SREBF2: variants seen among roughly 807,000 people sequenced by gnomAD.
The protein encoded by SREBF2 is sterol regulatory element binding transcription factor 2.
Under a neutral mutation model 113.1 loss-of-function variants are expected in SREBF2, and 55 were observed. The observed-to-expected ratio is 0.49, with a 90% CI of 0.39 to 0.61. The LOEUF is 0.61. SREBF2 is among the 20% of genes least tolerant of loss of function. SREBF2 has a pLI of 0.00. For synonymous variants in SREBF2, 593 were observed against 605.7 expected, an observed-to-expected ratio of 0.98 and a Z score of 0.31; for missense variants, 1,349 against 1,487.4, an observed-to-expected ratio of 0.91 and a Z score of 1.53.
chr22:41,888,452 G>A (rs1006406287), intron 11 of SREBF2, among the ~76,000 whole-genome samples: 3 of 143,308 alleles, frequency 2.1e-5, no homozygotes, highest in Admixed American at 6.8e-5. Context: ...TCCGTGTACC[G>A]TGGGTCTGCC....
At position 41,875,519 on chromosome 22, in the gene SREBF2, C is replaced by T. The variant is rs750427778; in HGVS notation, c.1205-24C>T. The T allele has an allele frequency of 1.2e-5, 20 of 1,614,122 alleles. No individual in the cohort carries two copies. The African/African-American group carries it at 1.9e-4, about 15-fold the overall frequency. ...GGGCTTTGTAAAAGCAGATCATTTT[C>T]ACCAGGTGGGGTTTTCTTTGCAGAG... On this transcript the variant is annotated intron_variant, in intron 6 of 18. Transcript: ENST00000361204.
At chr22:41,872,275 G>A (rs2077151721) in intron 4 of SREBF2, among the ~76,000 whole-genome samples, 1 of 151,466 alleles carries the variant, frequency 6.6e-6, no homozygotes, top group Non-Finnish European at 1.5e-5. Context: ...GAAATAGTGT[G>A]TCAAGCCAAA....
chr22:41,877,194 A>G, intron 7 of SREBF2, 35 bp from the exon 8 acceptor site: 1 of 1,602,980 alleles, frequency 6.2e-7, no homozygotes, highest in South Asian at 1.1e-5. Context: ...AAACCTATGC[A>G]GTATTTATTC....
At chr22:41,851,938 G>A (rs2076935858) in intron 1 of SREBF2, among the ~76,000 whole-genome samples, 1 of 152,014 alleles carries the variant, frequency 6.6e-6, no homozygotes, top group Non-Finnish European at 1.5e-5. Context: ...GGCTAACACG[G>A]TGAAACCCCG....
chr22:41,900,464 T>C lies in SREBF2; in HGVS notation c.2873T>C (p.Val958Ala). The change falls in exon 16 of 19, where the codon GTC becomes GCC. Residue 958 changes from valine (V) to alanine (A), a missense_variant. By Grantham distance (64) the Val-to-Ala change is moderately conservative. This residue lies in a region of SREBF2 where 650 missense variants were observed against 644.1 expected (regional missense o/e 1.01). Coordinates refer to ENST00000361204, the MANE Select transcript of SREBF2 (RefSeq NM_004599.4). ...ASGHLWSSLNVSGATSDPALN... is the reference protein window; with the variant it reads ...ASGHLWSSLNASGATSDPALN... The stretch of plus-strand genomic sequence containing the variant: ...GGCCACCTATGGAGCAGCCTCAACG[T>C]CAGTGGGGCCACCTCTGACCCTGCC... 4 of 1,613,794 alleles carry C rather than the reference T, an allele frequency of 2.5e-6. No individual in the cohort carries two copies. The highest frequency in any genetic ancestry group is 3.4e-6 in the Non-Finnish European group (4 of 1,180,002).
intron 1 of SREBF2, among the ~76,000 whole-genome samples, chr22:41,853,917 C>T (rs993875891): frequency 1.3e-5 from 2 of 151,706 alleles, no homozygotes; most frequent in African/African-American, 2.4e-5. Context: ...CGCCTGTAGT[C>T]CCAGCTACTC....
chr22:41,881,874 C>A (rs892772682), intron 10 of SREBF2, among the ~76,000 whole-genome samples: 5 of 152,054 alleles, frequency 3.3e-5, no homozygotes, highest in African/African-American at 9.7e-5. Flanking sequence ...GAGTTCGAGA[C>A]CAGCCTGGAC....
At chr22:41,900,867 C>T (rs570307005) in intron 16 of SREBF2, 8 of 509,394 alleles carry the variant, frequency 1.6e-5, no homozygotes, top group East Asian at 5.6e-5. Context: ...TGGGTTCCTG[C>T]CCCCTCGGGC....
At chr22:41,859,167 A>G (rs1270013288) in intron 1 of SREBF2, among the ~76,000 whole-genome samples, 1 of 152,150 alleles carries the variant, frequency 6.6e-6, no homozygotes, top group Non-Finnish European at 1.5e-5. Flanking sequence ...ACAGTCACAC[A>G]GTTTTATAGA....
At chr22:41,899,091 G>GC in intron 15 of SREBF2, 1 of 654,260 alleles carries the variant, frequency 1.5e-6, no homozygotes, top group Non-Finnish European at 2.3e-6. Flanking sequence ...GAGCAGTGTG[G>GC]CCCCCAGCAT....
chr22:41,878,789 G>A lies in SREBF2; in HGVS notation c.1761+666G>A, dbSNP rs755623704. 8 of 1,262,136 alleles carry A rather than the reference G, an allele frequency of 6.3e-6. No individual in the cohort carries two copies. The South Asian group carries it at 1.0e-4, about 16-fold the overall frequency. 78.2% of individuals were successfully genotyped at this position (1,262,136 alleles called of 1,614,324 possible). ...CCATGGGCCTGCCCTCCCCACCTCT[G>A]CAAGCTGCAGGGCCATTAGTGAGAA... On this transcript the variant is annotated intron_variant, in intron 9 of 18. Transcript: ENST00000361204.
chr22:41,837,879 A>G (rs1430719963), intron 1 of SREBF2, among the ~76,000 whole-genome samples: 1 of 151,146 alleles, frequency 6.6e-6, no homozygotes, highest in Non-Finnish European at 1.5e-5. Context: ...AAAAAAAGAA[A>G]GAAAGAAAGA....
chr22:41,866,465 G>A (rs936703872), intron 1 of SREBF2, among the ~76,000 whole-genome samples: 2 of 152,164 alleles, frequency 1.3e-5, no homozygotes, highest in Admixed American at 6.6e-5. Context: ...CGGGAGAATC[G>A]CTTGAACCCA....
intron 17 of SREBF2, chr22:41,904,500 G>T: frequency 2.0e-6 from 1 of 500,316 alleles, no homozygotes. Flanking sequence ...TCACCCCTCT[G>T]TCCCTGTCAC....
intron 11 of SREBF2, 79 bp from the exon 12 acceptor site, chr22:41,893,038 G>T: frequency 6.4e-7 from 1 of 1,550,412 alleles, no homozygotes; most frequent in East Asian, 2.2e-5. Context: ...CCTCCACCAT[G>T]GTGCTTTCTG....
At chr22:41,902,785 G>T (rs2077475536) in intron 16 of SREBF2, among the ~76,000 whole-genome samples, 185 bp from the exon 17 acceptor site, 1 of 152,194 alleles carries the variant, frequency 6.6e-6, no homozygotes, top group Non-Finnish European at 1.5e-5. Flanking sequence ...TGGGGCCATG[G>T]AAGGAACTGG....
rs542118037 is a variant in SREBF2, at chr22:41,884,230, G to A, written c.2039-612G>A. ...AGCTCACTGCAACCTCCGCATCGCA[G>A]GCTCAAGCAATTCTTCTGCCTCAGC... On this transcript the variant is annotated intron_variant, in intron 10 of 18. Transcript: ENST00000361204. 5.9e-5 allele frequency among the ~76,000 whole-genome samples: 9 copies of A among 152,290 alleles called. No individual in the cohort carries two copies. In the East Asian group the frequency reaches 1.7e-3, roughly 29 times the overall value.
chr22:41,851,886 CAA>C (rs2076934935), intron 1 of SREBF2, among the ~76,000 whole-genome samples: 1 of 151,608 alleles, frequency 6.6e-6, no homozygotes, highest in Non-Finnish European at 1.5e-5. Flanking sequence ...TTTGTGGGGC[CAA>C]GGGGGGTGGA....
chr22:41,871,043 C>T lies in SREBF2; in HGVS notation c.867+8C>T. The stretch of plus-strand genomic sequence containing the variant: ...GCTGCCCTTCAAGTACCAGTAAGAG[C>T]TGCCTTCTCCCCCACCCTCCTCCCT... On this transcript the variant is annotated splice_region_variant and intron_variant, in intron 4 of 18. Coordinates refer to ENST00000361204, the MANE Select transcript of SREBF2 (RefSeq NM_004599.4). 6.2e-7 allele frequency: 1 copy of T among 1,614,080 alleles called. No individual in the cohort carries two copies. The highest frequency in any genetic ancestry group is 1.7e-5 in the Admixed American group (1 of 60,004).
Sources: gnomAD v4.1 joint callset for allele counts (sites outside exome capture counted in the v4.1 genomes callset) on GRCh38, gnomAD v4.1.1 for gene constraint, gnomAD v4.1.1 regional missense constraint, MANE v1.5 for transcripts, NCBI Gene and HGNC (gene_info 2026-07-23, HGNC 2026-07-21) for gene names.